Variants in FGF1 observed in about 807,000 individuals in gnomAD.
FGF1 encodes the protein beta-endothelial cell growth factor.
A neutral mutation model predicts 13.4 loss-of-function variants in FGF1; 9 were observed. The ratio of observed to expected loss-of-function variants is 0.67; its 90% CI spans 0.40 to 1.17. The LOEUF is 1.17. Among genes scored for constraint, FGF1 ranks in the 50% most tolerant of loss-of-function variants. The probability of loss-of-function intolerance (pLI) is 0.01; values close to 1 mark genes in which losing one functional copy is unlikely to be tolerated. For synonymous variants in FGF1, 93 were observed against 79.0 expected (o/e 1.18, Z -0.94); for missense variants, 156 against 192.7 (o/e 0.81, Z 1.13).
chr5:142,686,853 C>T (rs1751327468), upstream of FGF1, among the ~76,000 whole-genome samples: 1 of 152,164 alleles, frequency 6.6e-6, no homozygotes, highest in Admixed American at 6.5e-5. Context: ...GGTGAATCCT[C>T]AGGTGAGCTC....
chr5:142,675,580 CAGCTATGCTGAG>C (rs1772393590), intron 1 of FGF1, among the ~76,000 whole-genome samples: 2 of 152,190 alleles, frequency 1.3e-5, no homozygotes, highest in Admixed American at 6.5e-5. Flanking sequence ...TCAAGAGAGA[CAGCTATGCTGAG>C]AGCTTTACAT....
intron 1 of FGF1, among the ~76,000 whole-genome samples, chr5:142,635,038 C>T (rs1475553017): frequency 6.6e-6 from 1 of 152,100 alleles, no homozygotes; most frequent in African/African-American, 2.4e-5. Context: ...GTACCTTTTC[C>T]ACTTAATTTA....
At chr5:142,617,101 A>G (rs1760409767) in intron 1 of FGF1, among the ~76,000 whole-genome samples, 1 of 152,218 alleles carries the variant, frequency 6.6e-6, no homozygotes, top group Non-Finnish European at 1.5e-5. Context: ...GTGGTGGCTC[A>G]TGCCTGCAAT....
At chr5:142,609,930 C>A (rs1246203270) in intron 2 of FGF1, among the ~76,000 whole-genome samples, 1 of 152,158 alleles carries the variant, frequency 6.6e-6, no homozygotes, top group Non-Finnish European at 1.5e-5. Context: ...CGACCTACAC[C>A]CATCTGATCC....
intron 1 of FGF1, among the ~76,000 whole-genome samples, chr5:142,615,517 C>T (rs888684466): frequency 2.0e-5 from 3 of 152,192 alleles, no homozygotes; most frequent in Admixed American, 6.5e-5. Context: ...CCACCGCGCC[C>T]GGCCTGGGAG....
In FGF1 at chr5:142,618,921, G is replaced by GTTTTTTTTTTTTTTTTTTTTTTTTT. The variant is rs1343286807; in HGVS notation, c.-34-4761_-34-4760insAAAAAAAAAAAAAAAAAAAAAAAAA. ...GGCAAACACTGACATTTATTTTTTAGTTGTTTTGTTTTTTTTTTTTTTTTT... is the reference window on the plus strand; with the variant it reads ...GGCAAACACTGACATTTATTTTTTAGTTTTTTTTTTTTTTTTTTTTTTTTTTTGTTTTGTTTTTTTTTTTTTTTTT... On this transcript the variant is annotated intron_variant, in intron 1 of 3. Coordinates refer to ENST00000337706, the MANE Select transcript of FGF1 (RefSeq NM_000800.5). 6.5e-5 allele frequency among the ~76,000 whole-genome samples: 7 copies of GTTTTTTTTTTTTTTTTTTTTTTTTT among 108,374 alleles called. 1 individual carries two copies. In the East Asian group the frequency reaches 1.9e-3, roughly 29 times the overall value. The allele number at this position is 108,374 out of a possible 152,430, so 71.1% of individuals were successfully genotyped here. A position where few individuals can be genotyped will look rare whatever the true frequency, so the allele number is the denominator to read the frequency against.
At chr5:142,662,374 A>G (rs895151299) in intron 1 of FGF1, among the ~76,000 whole-genome samples, 5 of 152,180 alleles carry the variant, frequency 3.3e-5, no homozygotes, top group Non-Finnish European at 5.9e-5. Context: ...AACTTTCTGT[A>G]ATTTTGAGAC....
At chr5:142,667,481 G>A (rs1272713790) in intron 1 of FGF1, among the ~76,000 whole-genome samples, 4 of 148,634 alleles carry the variant, frequency 2.7e-5, no homozygotes, top group Non-Finnish European at 5.9e-5. Flanking sequence ...AGCTACTTGG[G>A]AGGCTGAGGC....
rs76017798 is a variant in FGF1, at chr5:142,628,852, G to A, written c.-34-14691C>T. Among the ~76,000 whole-genome samples, 1,484 of 152,280 alleles carry A rather than the reference G, an allele frequency of 9.7e-3. 25 individuals are homozygous for A. The highest frequency in any genetic ancestry group is 0.034 in the African/African-American group (1,406 of 41,552). On this transcript the variant is annotated intron_variant, in intron 1 of 3. Coordinates refer to ENST00000337706, the MANE Select transcript of FGF1 (RefSeq NM_000800.5). ...AGGAGGAACGTCAGAGTGACTTCTT[G>A]CTTCTCGGAGCTGCCATCTTTTCGC...
chr5:142,648,955 A>T (rs906606437), intron 1 of FGF1, among the ~76,000 whole-genome samples: 1 of 152,216 alleles, frequency 6.6e-6, no homozygotes, highest in Admixed American at 6.5e-5. Flanking sequence ...CCAGGAAAAC[A>T]ATAGCAGGAC....
rs570173470 is a variant in FGF1, at chr5:142,682,551, G to A, written c.-35+3406C>T. 2.6e-5 allele frequency among the ~76,000 whole-genome samples: 4 copies of A among 152,224 alleles called. No homozygotes were observed. In the South Asian group the frequency reaches 8.3e-4, roughly 32 times the overall value. On this transcript the variant is annotated intron_variant, in intron 1 of 3. Transcript: ENST00000337706. Reference sequence around the variant, plus strand: ...CCACTTTACAGATGAGGAAACCAAGGGCCAAAGTCACAGGACTAATAAGTG... The same window carrying A: ...CCACTTTACAGATGAGGAAACCAAGAGCCAAAGTCACAGGACTAATAAGTG...
At position 142,635,313 on chromosome 5, in the gene FGF1, G is replaced by C. The variant is rs57164682; in HGVS notation, c.-34-21152C>G. ...TGTAAAACACCTGGCACATACTAAG[G>C]TCTCAGTAAATGTGAGTTACCGTCA... is the stretch of plus-strand genomic sequence containing the variant. On this transcript the variant is annotated intron_variant, in intron 1 of 3. Transcript: ENST00000337706. Among the ~76,000 whole-genome samples the C allele has an allele frequency of 4.7e-3, 723 of 152,258 alleles. 7 individuals are homozygous for C. The highest frequency in any genetic ancestry group is 0.016 in the African/African-American group (670 of 41,538).
At chr5:142,637,040 C>T (rs190731046) in intron 1 of FGF1, among the ~76,000 whole-genome samples, 122 of 152,018 alleles carry the variant, frequency 8.0e-4, no homozygotes, top group African/African-American at 3.0e-3. Context: ...GGTCTTGGGA[C>T]CTCAGATCAA....
At chr5:142,684,205 G>C (rs900959457) in intron 1 of FGF1, among the ~76,000 whole-genome samples, 1 of 152,186 alleles carries the variant, frequency 6.6e-6, no homozygotes, top group Non-Finnish European at 1.5e-5. Context: ...TGGCTGCACT[G>C]TCCCAAGATG....
intron 1 of FGF1, among the ~76,000 whole-genome samples, chr5:142,619,592 AG>A (rs1761062669): frequency 6.6e-6 from 1 of 152,218 alleles, no homozygotes; most frequent in Non-Finnish European, 1.5e-5. Context: ...GGTAGGCGTA[AG>A]GGGGATAAGG....
At chr5:142,679,257 G>A (rs929743804) in intron 1 of FGF1, among the ~76,000 whole-genome samples, 1 of 152,100 alleles carries the variant, frequency 6.6e-6, no homozygotes, top group African/African-American at 2.4e-5. Flanking sequence ...GGTGATGCCA[G>A]GCTTCCTCAC....
intron 1 of FGF1, among the ~76,000 whole-genome samples, chr5:142,668,911 A>G (rs902517505): frequency 6.6e-6 from 1 of 152,162 alleles, no homozygotes; most frequent in African/African-American, 2.4e-5. Flanking sequence ...AGGGCTGAAG[A>G]GGAAGGGGTC....
chr5:142,672,832 A>C (rs1299967079), intron 1 of FGF1, among the ~76,000 whole-genome samples: 1 of 152,108 alleles, frequency 6.6e-6, no homozygotes. Flanking sequence ...ATTAACTAGC[A>C]ACCAAGGCAG....
intron 1 of FGF1, among the ~76,000 whole-genome samples, chr5:142,676,344 C>T (rs7723034): frequency 1.3e-5 from 2 of 152,018 alleles, no homozygotes; most frequent in Admixed American, 6.6e-5. Flanking sequence ...GGATTCTCTC[C>T]CTACATTCTT....
Sources: gnomAD v4.1 joint callset for allele counts (sites outside exome capture counted in the v4.1 genomes callset) on GRCh38, gnomAD v4.1.1 for gene constraint, MANE v1.5 for transcripts, NCBI Gene and HGNC (gene_info 2026-07-23, HGNC 2026-07-21) for gene names.